LIN52: variants seen among roughly 807,000 people sequenced by gnomAD.
LIN52 encodes lin-52 DREAM MuvB core complex component.
A neutral mutation model predicts 18.5 loss-of-function variants in LIN52; 4 were observed. The ratio of observed to expected loss-of-function variants is 0.22; its 90% CI spans 0.11 to 0.49. LIN52 has a LOEUF of 0.49. Among genes scored for constraint, LIN52 ranks in the 20% least tolerant of loss-of-function variants. The pLI, the probability that LIN52 is intolerant of heterozygous loss-of-function variation, is 0.97. For missense variants in LIN52, 102 were observed against 139.5 expected (o/e 0.73, Z 1.35); for synonymous variants, 34 against 45.5 (o/e 0.75, Z 1.02).
chr14:74,141,349 C>G (rs76601824), intron 5 of LIN52, among the ~76,000 whole-genome samples: 395 of 152,296 alleles, frequency 2.6e-3, no homozygotes, highest in Non-Finnish European at 4.4e-3. Flanking sequence ...TCTTTGACCC[C>G]ACAACATGTC....
chr14:74,133,333 T>C (rs1194405868), intron 5 of LIN52, among the ~76,000 whole-genome samples: 1 of 152,258 alleles, frequency 6.6e-6, no homozygotes, highest in Non-Finnish European at 1.5e-5. Context: ...ACTATTTTGT[T>C]AAAAGCCTTC....
intron 4 of LIN52, among the ~76,000 whole-genome samples, chr14:74,100,372 A>C (rs1424979276): frequency 6.6e-6 from 1 of 152,176 alleles, no homozygotes; most frequent in Non-Finnish European, 1.5e-5. Flanking sequence ...CAGTGGTGCC[A>C]TCATGGCTCA....
intron 5 of LIN52, chr14:74,114,384 A>C (rs1216441231): frequency 2.0e-6 from 2 of 985,510 alleles, no homozygotes; most frequent in Non-Finnish European, 2.4e-6. Flanking sequence ...TTACAGTGGG[A>C]ATCCAGGGTG....
intron 5 of LIN52, among the ~76,000 whole-genome samples, chr14:74,102,912 A>G (rs1444592582): frequency 1.3e-5 from 2 of 152,096 alleles, no homozygotes; most frequent in Non-Finnish European, 2.9e-5. Context: ...TGAACGGAAT[A>G]ATGACCCATG....
intron 1 of LIN52, chr14:74,085,648 G>A (rs970830721): frequency 1.3e-5 from 2 of 152,184 alleles, no homozygotes; most frequent in East Asian, 1.9e-4. Flanking sequence ...TCTTAAGGCT[G>A]AGTGAATTAA....
intron 5 of LIN52, among the ~76,000 whole-genome samples, chr14:74,130,278 G>GTTTGTTTGTTTTTTTTTTTTT (rs1555382571): frequency 1.5e-5 from 1 of 64,842 alleles, no homozygotes; most frequent in African/African-American, 6.3e-5. Flanking sequence ...GCATTTTTTG[G>GTTTGTTTGTTTTTTTTTTTTT]TTTTTTTTTT....
chr14:74,133,535 A>G (rs1194494476), intron 5 of LIN52, among the ~76,000 whole-genome samples: 3 of 152,248 alleles, frequency 2.0e-5, no homozygotes, highest in African/African-American at 7.2e-5. Context: ...GTTACATAAC[A>G]GTCTGAGCCA....
intron 5 of LIN52, among the ~76,000 whole-genome samples, chr14:74,195,556 A>G (rs62006790): frequency 1.4e-4 from 21 of 149,650 alleles, no homozygotes; most frequent in South Asian, 1.1e-3. Context: ...GTGTGTGTGT[A>G]TGTGTGTGTG....
At chr14:74,157,221 C>A (rs1309120811) in intron 5 of LIN52, among the ~76,000 whole-genome samples, 2 of 151,178 alleles carry the variant, frequency 1.3e-5, no homozygotes, top group African/African-American at 2.4e-5. Flanking sequence ...TTAGTAGAGA[C>A]AGGGTTTCTC....
At chr14:74,186,931 T>C (rs2061343294) in intron 5 of LIN52, among the ~76,000 whole-genome samples, 1 of 152,038 alleles carries the variant, frequency 6.6e-6, no homozygotes, top group African/African-American at 2.4e-5. Context: ...ATACAAATAT[T>C]AGCCGGGCGT....
rs988579005 is a variant in LIN52 at position 74,192,764 on chromosome 14, C to G, written c.284-6158C>G. ...CAGCCAATTAATGAGACAGACACAC[C>G]TGCACAGTTGGAAATGAGGATACAA... On this transcript the variant is annotated intron_variant, in intron 5 of 5. Coordinates refer to ENST00000555028, the MANE Select transcript of LIN52 (RefSeq NM_001024674.3). 27 of 247,358 alleles carry G rather than the reference C, an allele frequency of 1.1e-4. No individual in the cohort carries two copies. In the Middle Eastern group the frequency reaches 4.5e-3, roughly 41 times the overall value. The allele number at this position is 247,358 out of a possible 1,614,324, so 15.3% of individuals were successfully genotyped here. A position where few individuals can be genotyped will look rare whatever the true frequency, so the allele number is the denominator to read the frequency against.
intron 5 of LIN52, among the ~76,000 whole-genome samples, chr14:74,184,985 T>G (rs1039924518): frequency 1.3e-5 from 2 of 152,104 alleles, no homozygotes; most frequent in Admixed American, 6.5e-5. Flanking sequence ...GACTGAAACA[T>G]GGAAGACCCT....
At chr14:74,120,297 CT>C (rs2060991558) in intron 5 of LIN52, among the ~76,000 whole-genome samples, 1 of 152,110 alleles carries the variant, frequency 6.6e-6, no homozygotes, top group Non-Finnish European at 1.5e-5. Context: ...TTTCCCCCAA[CT>C]TTTTATTTGT....
At chr14:74,175,636 G>A (rs776395499) in intron 5 of LIN52, among the ~76,000 whole-genome samples, 2 of 151,360 alleles carry the variant, frequency 1.3e-5, no homozygotes, top group Non-Finnish European at 2.9e-5. Context: ...GTGTGAGGCC[G>A]CAGTAAGCTA....
At chr14:74,093,730 C>G (rs559137673) in intron 2 of LIN52, among the ~76,000 whole-genome samples, 168 of 152,270 alleles carry the variant, frequency 1.1e-3, no homozygotes, top group African/African-American at 3.9e-3. Flanking sequence ...CTTTGAGAGG[C>G]CGAGGTGGGC....
At chr14:74,165,528 T>TTTTTTTTTTG (rs56781854) in intron 5 of LIN52, among the ~76,000 whole-genome samples, 1 of 149,536 alleles carries the variant, frequency 6.7e-6, no homozygotes, top group African/African-American at 2.5e-5. Flanking sequence ...TTTTTTTTTT[T>TTTTTTTTTTG]GAGACAGAGT....
intron 5 of LIN52, among the ~76,000 whole-genome samples, chr14:74,159,377 A>G (rs964346743): frequency 6.6e-6 from 1 of 152,124 alleles, no homozygotes; most frequent in Non-Finnish European, 1.5e-5. Context: ...ATTCAGCAAA[A>G]TATCTCCTGC....
chr14:74,194,858 T>C lies in LIN52; in HGVS notation c.284-4064T>C, dbSNP rs746721122. 7.9e-5 allele frequency among the ~76,000 whole-genome samples: 12 copies of C among 152,156 alleles called. 1 individual carries two copies. The highest frequency in any genetic ancestry group is 1.2e-4 in the Non-Finnish European group (8 of 68,030). On this transcript the variant is annotated intron_variant, in intron 5 of 5. Transcript: ENST00000555028. ...ATAAATCCAGAATCAAAAAAATAGT[T>C]GACAGGCTGGGCGAGGTGGCTCATG... is the stretch of plus-strand genomic sequence containing the variant.
chr14:74,156,369 AGTCT>A (rs923261626), intron 5 of LIN52, among the ~76,000 whole-genome samples: 4 of 152,164 alleles, frequency 2.6e-5, no homozygotes, highest in East Asian at 1.9e-4. Flanking sequence ...TCCTATAGTC[AGTCT>A]GTCTATCAAC....
Sources: gnomAD v4.1 joint callset for allele counts (sites outside exome capture counted in the v4.1 genomes callset) on GRCh38, gnomAD v4.1.1 for gene constraint, MANE v1.5 for transcripts, NCBI Gene and HGNC (gene_info 2026-07-23, HGNC 2026-07-21) for gene names.